AMPH: variants seen among roughly 807,000 people sequenced by gnomAD.
AMPH encodes the protein amphiphysin (Stiff-Mann syndrome with breast cancer 128kD autoantigen).
AMPH carries 49 observed loss-of-function variants against 99.1 expected under a neutral mutation model. The observed-to-expected ratio is 0.49, with a 90% CI of 0.39 to 0.63. The LOEUF (loss-of-function observed/expected upper bound fraction) is 0.63, where lower values mean the gene tolerates loss of function less well. Among genes scored for constraint, AMPH ranks in the 20% least tolerant of loss-of-function variants. The pLI, the probability that AMPH is intolerant of heterozygous loss-of-function variation, is 0.00. For synonymous variants in AMPH, 314 were observed against 317.3 expected, an observed-to-expected ratio of 0.99 and a Z score of 0.11; for missense variants, 759 against 863.4, an observed-to-expected ratio of 0.88 and a Z score of 1.52.
intron 1 of AMPH, among the ~76,000 whole-genome samples, chr7:38,599,923 A>T (rs1488657731): frequency 6.6e-6 from 1 of 152,028 alleles, no homozygotes; most frequent in Admixed American, 6.5e-5. Flanking sequence ...GAGTCTCCTC[A>T]TACAGAGCAC....
At chr7:38,452,004 A>G (rs1787056527) in intron 11 of AMPH, among the ~76,000 whole-genome samples, 1 of 152,170 alleles carries the variant, frequency 6.6e-6, no homozygotes, top group Non-Finnish European at 1.5e-5. Flanking sequence ...TCTATGCTAC[A>G]TTTAAAGTTT....
At chr7:38,429,984 G>C in intron 13 of AMPH, 119 bp from the exon 14 acceptor site, 4 of 965,114 alleles carry the variant, frequency 4.1e-6, no homozygotes, top group Non-Finnish European at 5.9e-6. Flanking sequence ...ACTGGTTTAG[G>C]AACAAATTTT....
intron 7 of AMPH, among the ~76,000 whole-genome samples, chr7:38,470,338 A>T (rs1787835188): frequency 6.6e-6 from 1 of 152,106 alleles, no homozygotes; most frequent in Non-Finnish European, 1.5e-5. Flanking sequence ...TCTCCAATGG[A>T]GTCTCCAATG....
chr7:38,384,889 A>G lies in AMPH; in HGVS notation c.2017T>C (p.Trp673Arg). ...GWLVGVKESD[W>R]LQYRDLATYK... ...GTGGCAAGGTCTCTGTACTGAAGCC[A>G]GTCTGATTCCTTCACTCCCACCAGC... The change falls in exon 21 of 21, where the codon TGG (tryptophan) becomes CGG (arginine). Residue 673 changes from tryptophan (W) to arginine (R), a missense_variant. Transcript: ENST00000356264. The G allele has an allele frequency of 6.2e-7, 1 of 1,613,996 alleles. No individual in the cohort carries two copies. Among genetic ancestry groups the G allele is most frequent in the South Asian group, 1.1e-5 (1 of 91,078 alleles).
Position 38,567,023 on chromosome 7 carries a change from G to A in AMPH, c.70-32012C>T, listed in dbSNP as rs1400996124. On this transcript the variant is annotated intron_variant, in intron 1 of 20. Coordinates refer to ENST00000356264, the MANE Select transcript of AMPH (RefSeq NM_001635.4). ...AGAACTAGAAATACCATTTGACCCA[G>A]CAATCCCATTACTGGACATATACCC... Among the ~76,000 whole-genome samples the A allele has an allele frequency of 3.3e-5, 5 of 152,244 alleles. No homozygotes were observed. The East Asian group carries it at 9.7e-4, about 29-fold the overall frequency.
At chr7:38,390,790 T>G (rs764696016) in intron 19 of AMPH, among the ~76,000 whole-genome samples, 1 of 152,226 alleles carries the variant, frequency 6.6e-6, no homozygotes, top group Non-Finnish European at 1.5e-5. Flanking sequence ...GGCACAAGGC[T>G]TCTTGGACTG....
chr7:38,545,921 A>G (rs1170764204), intron 1 of AMPH, among the ~76,000 whole-genome samples: 1 of 152,268 alleles, frequency 6.6e-6, no homozygotes, highest in Non-Finnish European at 1.5e-5. Context: ...ATACAAAACA[A>G]ATTATACATA....
At chr7:38,595,002 T>G (rs1053504643) in intron 1 of AMPH, among the ~76,000 whole-genome samples, 2 of 152,152 alleles carry the variant, frequency 1.3e-5, no homozygotes, top group Non-Finnish European at 1.5e-5. Flanking sequence ...ACATGTGAAA[T>G]GTACCAGAAA....
At position 38,618,392 on chromosome 7, in the gene AMPH, G is replaced by A. The variant is rs1256236528; in HGVS notation, c.69+12891C>T. Among the ~76,000 whole-genome samples, 5 of 151,758 alleles carry A rather than the reference G, an allele frequency of 3.3e-5. No individual in the cohort carries two copies. In the East Asian group the frequency reaches 5.8e-4, roughly 18 times the overall value. On this transcript the variant is annotated intron_variant, in intron 1 of 20. Coordinates refer to ENST00000356264, the MANE Select transcript of AMPH (RefSeq NM_001635.4). ...CCACGCGTGGTGGCATGCACCTGTA[G>A]TCCCAGCTACTCGGGAGGCTGAGGC... is the stretch of plus-strand genomic sequence containing the variant.
intron 1 of AMPH, among the ~76,000 whole-genome samples, chr7:38,606,938 TCTTTCCTCA>T (rs1793456793): frequency 6.6e-6 from 1 of 152,226 alleles, no homozygotes. Context: ...ATTTTATTTA[TCTTTCCTCA>T]GTGAATGGAC....
intron 1 of AMPH, among the ~76,000 whole-genome samples, chr7:38,544,394 A>G (rs79636621): frequency 0.043 from 6,582 of 152,314 alleles, 204 homozygotes; most frequent in Non-Finnish European, 0.067. Flanking sequence ...AAGGTGTCCC[A>G]TAGGAGCAGC....
chr7:38,471,999 A>G (rs1157577918), intron 7 of AMPH, among the ~76,000 whole-genome samples: 3 of 152,162 alleles, frequency 2.0e-5, no homozygotes, highest in African/African-American at 7.2e-5. Context: ...ACAGAAATGA[A>G]GACAGAAATA....
At chr7:38,594,320 T>C (rs148383949) in intron 1 of AMPH, among the ~76,000 whole-genome samples, 39 of 152,254 alleles carry the variant, frequency 2.6e-4, no homozygotes, top group African/African-American at 8.4e-4. Flanking sequence ...CCAAGTTCCT[T>C]CCAAGTAACT....
At chr7:38,391,627 G>A in intron 19 of AMPH, 121 bp downstream of exon 19, 1 of 963,876 alleles carries the variant, frequency 1.0e-6, no homozygotes, top group South Asian at 1.7e-5. Context: ...GTGGTGAAGG[G>A]AAAGCAGTTC....
At chr7:38,544,803 T>A (rs1274850430) in intron 1 of AMPH, among the ~76,000 whole-genome samples, 1 of 152,216 alleles carries the variant, frequency 6.6e-6, no homozygotes, top group Non-Finnish European at 1.5e-5. Context: ...GAAAAGTGTT[T>A]AATGAGGGTT....
chr7:38,422,277 C>T, intron 16 of AMPH, 144 bp downstream of exon 16: 2 of 681,018 alleles, frequency 2.9e-6, no homozygotes, highest in Non-Finnish European at 5.0e-6. Flanking sequence ...TTTACAGACA[C>T]ATTCTCTCCT....
chr7:38,590,883 C>T (rs569479509), intron 1 of AMPH, among the ~76,000 whole-genome samples: 1 of 152,242 alleles, frequency 6.6e-6, no homozygotes, highest in African/African-American at 2.4e-5. Flanking sequence ...ACTAATATAA[C>T]TTTCATAAAA....
At chr7:38,452,070 C>T (rs1787058678) in intron 11 of AMPH, among the ~76,000 whole-genome samples, 1 of 152,184 alleles carries the variant, frequency 6.6e-6, no homozygotes, top group Admixed American at 6.5e-5. Context: ...TCCCAGGACA[C>T]ACTCAGGAGA....
At chr7:38,416,846 C>T (rs1186226881) in intron 17 of AMPH, among the ~76,000 whole-genome samples, 2 of 152,174 alleles carry the variant, frequency 1.3e-5, no homozygotes, top group Non-Finnish European at 2.9e-5. Flanking sequence ...TTTTCCATTA[C>T]TATCTTGCAC....
Sources: allele counts gnomAD v4.1 joint callset (sites outside exome capture counted in the v4.1 genomes callset), GRCh38; gene constraint gnomAD v4.1.1; transcripts MANE v1.5; gene names NCBI Gene and HGNC (gene_info 2026-07-23, HGNC 2026-07-21).